The following PCBP3 variants were observed in gnomAD, a reference collection of about 807,000 sequenced individuals.
PCBP3 encodes poly(rC)-binding protein 3.
PCBP3 carries 25 observed loss-of-function variants against 52.7 expected under a neutral mutation model. That is an observed-to-expected ratio of 0.47 (90% CI 0.35 to 0.66). The LOEUF (loss-of-function observed/expected upper bound fraction) is 0.66. PCBP3 is among the 30% of genes least tolerant of loss of function. The pLI, the probability that PCBP3 is intolerant of heterozygous loss-of-function variation, is 0.01. For synonymous variants in PCBP3, 162 were observed against 183.0 expected (o/e 0.89, Z 0.93); for missense variants, 391 against 490.3 (o/e 0.80, Z 1.91).
intron 2 of PCBP3, among the ~76,000 whole-genome samples, chr21:45,685,039 G>A (rs186541662): frequency 1.7e-4 from 26 of 152,228 alleles, no homozygotes; most frequent in Non-Finnish European, 3.1e-4. Flanking sequence ...CAGCTTGTTG[G>A]CTTGAACATT....
intron 6 of PCBP3, 109 bp from the exon 7 acceptor site, chr21:45,899,489 CT>C: frequency 1.3e-6 from 1 of 778,760 alleles, no homozygotes. Flanking sequence ...GGGAAGGTCC[CT>C]TCTGCACTCA....
intron 4 of PCBP3, among the ~76,000 whole-genome samples, chr21:45,844,576 C>T (rs931027431): frequency 6.6e-6 from 1 of 152,110 alleles, no homozygotes; most frequent in African/African-American, 2.4e-5. Context: ...TCTGTGAGCA[C>T]TGTGTGTTGG....
chr21:45,801,457 C>T (rs1475004107), intron 4 of PCBP3, among the ~76,000 whole-genome samples: 1 of 152,358 alleles, frequency 6.6e-6, no homozygotes, highest in Non-Finnish European at 1.5e-5. Context: ...AGGGACAGGG[C>T]CACAGACACA....
chr21:45,903,948 G>A (rs2096132244), intron 9 of PCBP3, among the ~76,000 whole-genome samples: 1 of 152,176 alleles, frequency 6.6e-6, no homozygotes, highest in South Asian at 2.1e-4. Flanking sequence ...GTGAAACCAA[G>A]GACTGATTCC....
intron 4 of PCBP3, among the ~76,000 whole-genome samples, chr21:45,799,345 AC>A (rs2092190296): frequency 6.6e-6 from 1 of 152,172 alleles, no homozygotes; most frequent in Admixed American, 6.5e-5. Flanking sequence ...GATTTCAGTC[AC>A]CCATGGTACA....
chr21:45,776,820 C>T (rs1254735335), intron 4 of PCBP3, among the ~76,000 whole-genome samples: 1 of 152,016 alleles, frequency 6.6e-6, no homozygotes, highest in South Asian at 2.1e-4. Flanking sequence ...TATATTCAGC[C>T]GTTCTGTTTC....
At chr21:45,838,048 G>A (rs62214608) in intron 4 of PCBP3, among the ~76,000 whole-genome samples, 23,631 of 152,264 alleles carry the variant, frequency 0.16, 1,977 homozygotes, top group Middle Eastern at 0.3. Flanking sequence ...TGCCAGAAAG[G>A]CAGGATAGAT....
intron 2 of PCBP3, among the ~76,000 whole-genome samples, chr21:45,708,465 T>G (rs2083602674): frequency 6.6e-6 from 1 of 152,150 alleles, no homozygotes; most frequent in East Asian, 1.9e-4. Flanking sequence ...AACACCACTG[T>G]TTTGCTGCTT....
At chr21:45,651,199 G>T (rs1234091497) in intron 1 of PCBP3, among the ~76,000 whole-genome samples, 1 of 152,092 alleles carries the variant, frequency 6.6e-6, no homozygotes, top group Non-Finnish European at 1.5e-5. Flanking sequence ...TTGTTATGTG[G>T]CAATAGAAAA....
intron 4 of PCBP3, among the ~76,000 whole-genome samples, chr21:45,849,222 C>T (rs191145092): frequency 2.2e-5 from 3 of 135,648 alleles, no homozygotes; most frequent in African/African-American, 8.2e-5. Context: ...TTTTTTGAGA[C>T]GGAGTCTCAC....
chr21:45,833,550 A>G (rs985299217), intron 4 of PCBP3, among the ~76,000 whole-genome samples: 2 of 152,208 alleles, frequency 1.3e-5, no homozygotes, highest in African/African-American at 4.8e-5. Context: ...CCATGTCAGG[A>G]GAGTGGGTGG....
intron 4 of PCBP3, among the ~76,000 whole-genome samples, chr21:45,781,833 T>C (rs1415545619): frequency 6.6e-6 from 1 of 152,236 alleles, no homozygotes; most frequent in Non-Finnish European, 1.5e-5. Flanking sequence ...TTACAATATG[T>C]ACATTTTATT....
intron 4 of PCBP3, among the ~76,000 whole-genome samples, chr21:45,810,143 A>G (rs2092638715): frequency 6.6e-6 from 1 of 152,210 alleles, no homozygotes; most frequent in East Asian, 1.9e-4. Context: ...ATGGTAAATT[A>G]CATATTGCCA....
At chr21:45,911,191 A>G (rs2096384099) in intron 11 of PCBP3, 161 bp downstream of exon 11, 4 of 790,978 alleles carry the variant, frequency 5.1e-6, no homozygotes, top group South Asian at 1.5e-5. Context: ...CGGTGCCGGT[A>G]TGGGCGCCAC....
chr21:45,730,830 T>C (rs1265464549), intron 2 of PCBP3, among the ~76,000 whole-genome samples: 2 of 152,202 alleles, frequency 1.3e-5, no homozygotes, highest in Non-Finnish European at 2.9e-5. Flanking sequence ...TTTTCTGATA[T>C]TAAGATAGTC....
Position 45,802,877 on chromosome 21 carries a change from T to C in PCBP3, c.-125-47084T>C, listed in dbSNP as rs2092358712. 6.6e-6 allele frequency among the ~76,000 whole-genome samples: 1 copy of C among 152,206 alleles called. No homozygotes were observed. Among genetic ancestry groups the C allele is most frequent in the African/African-American group, 2.4e-5 (1 of 41,456 alleles). On this transcript the variant is annotated intron_variant, in intron 4 of 17. Coordinates refer to ENST00000681687, the MANE Select transcript of PCBP3 (RefSeq NM_001384156.1). This position sits in a 1 kb window ranked among gnomAD's most constrained non-coding sequence, Gnocchi z 5.1. Reference sequence around the variant, plus strand: ...AAAAGCTTTTAACCCTTGTCGTGTATAAACGACTCACTAGGTCTTGGTGCA... The same window carrying C: ...AAAAGCTTTTAACCCTTGTCGTGTACAAACGACTCACTAGGTCTTGGTGCA...
intron 5 of PCBP3, among the ~76,000 whole-genome samples, chr21:45,879,140 C>T (rs541148252): frequency 1.3e-5 from 2 of 152,204 alleles, no homozygotes; most frequent in African/African-American, 2.4e-5. Context: ...GCAGCCACCA[C>T]ACCTGGCTAA....
intron 3 of PCBP3, chr21:45,744,197 CTTAAT>C (rs545712371): frequency 4.0e-5 from 6 of 151,272 alleles, no homozygotes; most frequent in Admixed American, 1.3e-4. Flanking sequence ...AAATTTTTAA[CTTAAT>C]TTAATTTTTC....
chr21:45,783,260 C>T (rs2090781324), intron 4 of PCBP3, among the ~76,000 whole-genome samples: 1 of 152,112 alleles, frequency 6.6e-6, no homozygotes, highest in Admixed American at 6.5e-5. Flanking sequence ...ATTTGGAGCT[C>T]CTCTTTCATG....
Sources: gnomAD v4.1 joint callset for allele counts (sites outside exome capture counted in the v4.1 genomes callset) on GRCh38, gnomAD v4.1.1 for gene constraint, Gnocchi (gnomAD v3.1) non-coding constraint, MANE v1.5 for transcripts, NCBI Gene and HGNC (gene_info 2026-07-23, HGNC 2026-07-21) for gene names.